The following GPC6 variants were observed in gnomAD, a reference collection of about 807,000 sequenced individuals.
GPC6 encodes the protein glypican-6.
GPC6 carries 14 observed loss-of-function variants against 55.2 expected under a neutral mutation model. That is an observed-to-expected ratio of 0.25 (90% confidence interval 0.17 to 0.40). The LOEUF (loss-of-function observed/expected upper bound fraction) is 0.40, where lower values mean the gene tolerates loss of function less well. GPC6 is among the 10% of genes least tolerant of loss of function. GPC6 has a pLI of 1.00. For missense variants in GPC6, 641 were observed against 708.5 expected, an observed-to-expected ratio of 0.90 and a Z score of 1.08; for synonymous variants, 278 against 259.6, an observed-to-expected ratio of 1.07 and a Z score of -0.68.
intron 4 of GPC6, among the ~76,000 whole-genome samples, chr13:94,212,332 C>T (rs551089751): frequency 6.6e-6 from 1 of 152,300 alleles, no homozygotes; most frequent in African/African-American, 2.4e-5. Context: ...GAGTACTTAA[C>T]TCTTTTCTTT....
intron 4 of GPC6, among the ~76,000 whole-genome samples, chr13:94,208,954 C>T (rs979201976): frequency 2.0e-5 from 3 of 151,678 alleles, no homozygotes; most frequent in African/African-American, 7.3e-5. Flanking sequence ...AGACAAAAAA[C>T]TATTTTTTAT....
At chr13:94,015,049 A>G (rs1882406262) in intron 3 of GPC6, among the ~76,000 whole-genome samples, 1 of 152,206 alleles carries the variant, frequency 6.6e-6, no homozygotes, top group South Asian at 2.1e-4. Context: ...TGAGCATGTA[A>G]CTAAAAGTAG....
chr13:93,626,797 A>T (rs1415403147), intron 2 of GPC6, among the ~76,000 whole-genome samples: 1 of 148,326 alleles, frequency 6.7e-6, no homozygotes, highest in African/African-American at 2.5e-5. Context: ...GTGAGACTGC[A>T]TCTCAAAAAA....
chr13:93,321,818 C>A (rs1330634083), intron 1 of GPC6, among the ~76,000 whole-genome samples: 1 of 152,058 alleles, frequency 6.6e-6, no homozygotes, highest in East Asian at 1.9e-4. Flanking sequence ...GATCTTTTAC[C>A]AAGAATTCTC....
chr13:94,200,947 A>G (rs1232695837), intron 4 of GPC6, among the ~76,000 whole-genome samples: 1 of 152,226 alleles, frequency 6.6e-6, no homozygotes, highest in East Asian at 1.9e-4. Context: ...TAATGCCAGG[A>G]AACAGGCAGC....
chr13:93,231,400 T>TATACATATATATATATATAC, intron 1 of GPC6, among the ~76,000 whole-genome samples: 1 of 29,120 alleles, frequency 3.4e-5, no homozygotes, highest in East Asian at 9.5e-4. Context: ...TATATATGTA[T>TATACATATATATATATATAC]ATATATATAT....
chr13:94,002,594 G>T (rs185821756), intron 3 of GPC6, among the ~76,000 whole-genome samples: 3 of 152,078 alleles, frequency 2.0e-5, no homozygotes, highest in Non-Finnish European at 2.9e-5. Context: ...GGATGTAAAA[G>T]CAAAGGGAAT....
chr13:94,059,799 C>A (rs1239563435), intron 4 of GPC6, among the ~76,000 whole-genome samples: 2 of 151,472 alleles, frequency 1.3e-5, no homozygotes, highest in African/African-American at 2.4e-5. Context: ...AGTGCTAATC[C>A]CATTCATGAG....
chr13:94,020,117 G>T (rs1264106073), intron 3 of GPC6, among the ~76,000 whole-genome samples: 1 of 151,810 alleles, frequency 6.6e-6, no homozygotes, highest in Non-Finnish European at 1.5e-5. Context: ...TGAGGTTATT[G>T]ATTTGAAATC....
At chr13:93,409,781 G>T (rs934016650) in intron 1 of GPC6, among the ~76,000 whole-genome samples, 1 of 152,208 alleles carries the variant, frequency 6.6e-6, no homozygotes, top group African/African-American at 2.4e-5. Flanking sequence ...TTTCAATTAA[G>T]GGGCGGGAAT....
At chr13:93,783,913 T>C (rs1885739975) in intron 2 of GPC6, among the ~76,000 whole-genome samples, 1 of 152,182 alleles carries the variant, frequency 6.6e-6, no homozygotes, top group Non-Finnish European at 1.5e-5. Context: ...CCTTCACCTC[T>C]TTGTTCCTAT....
At chr13:93,792,309 A>C (rs535928204) in intron 2 of GPC6, among the ~76,000 whole-genome samples, 7 of 152,154 alleles carry the variant, frequency 4.6e-5, no homozygotes, top group South Asian at 4.2e-4. Context: ...GGTCAGGTCT[A>C]TAGGGTTTTT....
intron 1 of GPC6, among the ~76,000 whole-genome samples, chr13:93,399,021 A>G (rs1312708743): frequency 6.6e-6 from 1 of 150,896 alleles, no homozygotes. Flanking sequence ...TACCGTGATC[A>G]GTTCCCTCTC....
At chr13:94,099,760 CT>C (rs1885790475) in intron 4 of GPC6, among the ~76,000 whole-genome samples, 1 of 151,894 alleles carries the variant, frequency 6.6e-6, no homozygotes, top group Non-Finnish European at 1.5e-5. Context: ...AACCATTTTG[CT>C]TTTGGTTGAT....
chr13:93,929,123 G>A (rs1566608065), intron 3 of GPC6, among the ~76,000 whole-genome samples: 1 of 152,080 alleles, frequency 6.6e-6, no homozygotes, highest in Non-Finnish European at 1.5e-5. Flanking sequence ...CTGTCTACAA[G>A]GGTTTTGCTT....
At chr13:93,678,402 G>A (rs1314834649) in intron 2 of GPC6, among the ~76,000 whole-genome samples, 1 of 152,164 alleles carries the variant, frequency 6.6e-6, no homozygotes, top group Non-Finnish European at 1.5e-5. Context: ...AGCGACTATA[G>A]TTGTAGGATA....
intron 2 of GPC6, among the ~76,000 whole-genome samples, chr13:93,808,405 G>T (rs1395367947): frequency 1.3e-5 from 2 of 152,148 alleles, no homozygotes; most frequent in East Asian, 1.9e-4. Flanking sequence ...CATGTAAATT[G>T]TAAGAATTAG....
intron 1 of GPC6, among the ~76,000 whole-genome samples, chr13:93,440,663 C>A (rs141177137): frequency 2.7e-5 from 4 of 149,050 alleles, no homozygotes; most frequent in African/African-American, 9.9e-5. Flanking sequence ...TTACAGCATG[C>A]AAGTCTTGCA....
At chr13:93,276,495 AGTGTGT>A (rs71675979) in intron 1 of GPC6, among the ~76,000 whole-genome samples, 352 of 94,422 alleles carry the variant, frequency 3.7e-3, no homozygotes, top group African/African-American at 0.014. Flanking sequence ...AGAGAGAGAG[AGTGTGT>A]GTGTGTGTGT....
Sources: gnomAD v4.1 joint callset for allele counts (sites outside exome capture counted in the v4.1 genomes callset) on GRCh38, gnomAD v4.1.1 for gene constraint, MANE v1.5 for transcripts, NCBI Gene and HGNC (gene_info 2026-07-23, HGNC 2026-07-21) for gene names.